The following ATG5 variants were observed in gnomAD, a reference collection of about 807,000 sequenced individuals.
The protein encoded by ATG5 is autophagy related 5.
ATG5 carries 14 observed loss-of-function variants against 36.5 expected under a neutral mutation model. The ratio of observed to expected loss-of-function variants is 0.38; its 90% CI spans 0.25 to 0.60. The LOEUF (loss-of-function observed/expected upper bound fraction) is 0.60, where lower values mean the gene tolerates loss of function less well. ATG5 is among the 20% of genes least tolerant of loss of function. The probability of loss-of-function intolerance (pLI) is 0.60; values close to 1 mark genes in which losing one functional copy is unlikely to be tolerated. For missense variants in ATG5, 195 were observed against 326.7 expected, an observed-to-expected ratio of 0.60 and a Z score of 3.11; for synonymous variants, 95 against 101.5, an observed-to-expected ratio of 0.94 and a Z score of 0.38.
At chr6:106,200,105 G>T (rs1166069419) in intron 7 of ATG5, among the ~76,000 whole-genome samples, 1 of 152,034 alleles carries the variant, frequency 6.6e-6, no homozygotes. Context: ...ATACATGTAG[G>T]AATGCTAGTA....
chr6:106,192,137 A>G (rs909950660), intron 7 of ATG5, among the ~76,000 whole-genome samples: 3 of 152,166 alleles, frequency 2.0e-5, no homozygotes, highest in African/African-American at 7.2e-5. Context: ...CAACACATAT[A>G]TTCAAGTGGA....
chr6:106,272,403 C>T (rs1345321241), intron 5 of ATG5, among the ~76,000 whole-genome samples: 1 of 152,198 alleles, frequency 6.6e-6, no homozygotes, highest in East Asian at 1.9e-4. Context: ...AGCGTCTCTG[C>T]CTGACTTCCA....
At chr6:106,220,116 C>T (rs1769963) in intron 6 of ATG5, among the ~76,000 whole-genome samples, 13,026 of 152,146 alleles carry the variant, frequency 0.086, 589 homozygotes, top group South Asian at 0.13. Flanking sequence ...TCAGATGATA[C>T]AACTGAATGT....
At chr6:106,265,643 A>T (rs995174644) in intron 5 of ATG5, among the ~76,000 whole-genome samples, 2 of 152,254 alleles carry the variant, frequency 1.3e-5, no homozygotes, top group African/African-American at 4.8e-5. Flanking sequence ...AATGGAAATC[A>T]TAATAAACAC....
At chr6:106,268,354 G>A (rs1338933150) in intron 5 of ATG5, among the ~76,000 whole-genome samples, 1 of 152,048 alleles carries the variant, frequency 6.6e-6, no homozygotes, top group African/African-American at 2.4e-5. Context: ...GTTAGAATGG[G>A]GATTATTAAA....
At chr6:106,210,890 T>C (rs1038397392) in intron 6 of ATG5, among the ~76,000 whole-genome samples, 3 of 152,234 alleles carry the variant, frequency 2.0e-5, no homozygotes, top group South Asian at 2.1e-4. Flanking sequence ...TCTTTTTAAA[T>C]GTGACTTGAC....
intron 5 of ATG5, among the ~76,000 whole-genome samples, chr6:106,263,907 C>T (rs1201071122): frequency 6.7e-6 from 1 of 148,634 alleles, no homozygotes; most frequent in Non-Finnish European, 1.5e-5. Flanking sequence ...CACAAAAATG[C>T]TGAAGATTCA....
intron 6 of ATG5, among the ~76,000 whole-genome samples, chr6:106,237,541 C>T (rs1182467811): frequency 3.9e-5 from 6 of 152,122 alleles, no homozygotes; most frequent in Admixed American, 1.3e-4. Context: ...GCCTTGTCTA[C>T]CCCACAGAAG....
At chr6:106,227,133 C>T (rs374120428) in intron 6 of ATG5, among the ~76,000 whole-genome samples, 4 of 148,422 alleles carry the variant, frequency 2.7e-5, no homozygotes, top group South Asian at 2.2e-4. Context: ...AAAATCAAAG[C>T]GATCCACACC....
intron 5 of ATG5, among the ~76,000 whole-genome samples, chr6:106,271,062 TA>T (rs1344649567): frequency 6.6e-6 from 1 of 152,214 alleles, no homozygotes; most frequent in African/African-American, 2.4e-5. Context: ...TCTTATATCA[TA>T]TTCTACATCT....
At chr6:106,192,379 T>A (rs1163783820) in intron 7 of ATG5, among the ~76,000 whole-genome samples, 1 of 152,148 alleles carries the variant, frequency 6.6e-6, no homozygotes, top group Non-Finnish European at 1.5e-5. Context: ...ACCTTTCTCA[T>A]CCCAATCTGG....
At chr6:106,243,242 T>C (rs1269349145) in intron 6 of ATG5, among the ~76,000 whole-genome samples, 1 of 152,236 alleles carries the variant, frequency 6.6e-6, no homozygotes, top group Non-Finnish European at 1.5e-5. Context: ...TGAACAACTT[T>C]ACATTCAATC....
chr6:106,240,881 G>A (rs907439113), intron 6 of ATG5, among the ~76,000 whole-genome samples: 32 of 152,220 alleles, frequency 2.1e-4, no homozygotes, highest in Non-Finnish European at 3.2e-4. Flanking sequence ...GGCTGGGTGC[G>A]GTGGCTCATG....
chr6:106,227,301 G>A (rs983978865), intron 6 of ATG5, among the ~76,000 whole-genome samples: 1 of 152,182 alleles, frequency 6.6e-6, no homozygotes, highest in African/African-American at 2.4e-5. Flanking sequence ...ACTGAAAGAA[G>A]TAGAATGTCT....
intron 7 of ATG5, among the ~76,000 whole-genome samples, chr6:106,192,333 A>T (rs903289699): frequency 6.6e-6 from 1 of 151,854 alleles, no homozygotes; most frequent in Admixed American, 6.6e-5. Context: ...GATAAATTTG[A>T]GTTCTAAAGA....
intron 7 of ATG5, among the ~76,000 whole-genome samples, chr6:106,195,866 A>G (rs1776161880): frequency 6.6e-6 from 1 of 151,990 alleles, no homozygotes; most frequent in Admixed American, 6.6e-5. Flanking sequence ...ATCCCCTAGA[A>G]AAGGATGTAC....
chr6:106,306,404 T>C (rs1461082711), intron 3 of ATG5, among the ~76,000 whole-genome samples: 1 of 152,112 alleles, frequency 6.6e-6, no homozygotes, highest in African/African-American at 2.4e-5. Context: ...TTTTCCAGAG[T>C]TCCTCAACTG....
chr6:106,241,007 G>A (rs1778103449), intron 6 of ATG5, among the ~76,000 whole-genome samples: 1 of 152,144 alleles, frequency 6.6e-6, no homozygotes, highest in Non-Finnish European at 1.5e-5. Context: ...ACAAAAATTA[G>A]TCGGGCATGG....
In ATG5 at chr6:106,308,482, G is replaced by T; in HGVS notation, c.118C>A (p.Pro40Thr). The T allele has an allele frequency of 3.2e-6, 5 of 1,558,784 alleles. No homozygotes were observed. The highest frequency in any genetic ancestry group is 2.0e-5 in the Admixed American group (1 of 50,222). ...REAEPYYLLLPRVSYLTLVTD... is the reference protein window; with the variant it reads ...REAEPYYLLLTRVSYLTLVTD... ...ACCAACGTCAAATAACTTACTCTTG[G>T]CAAAAGCAACTGAAATGAAAATTTG... The change falls in exon 3 of 8, where the codon CCA (proline) becomes ACA (threonine). Residue 40 changes from proline to threonine, a missense_variant. Pro to Thr is a conservative substitution (Grantham distance 38, BLOSUM62 -1). Coordinates refer to ENST00000369076, the MANE Select transcript of ATG5 (RefSeq NM_004849.4).
Sources: allele counts gnomAD v4.1 joint callset (sites outside exome capture counted in the v4.1 genomes callset), GRCh38; gene constraint gnomAD v4.1.1; transcripts MANE v1.5; gene names NCBI Gene and HGNC (gene_info 2026-07-23, HGNC 2026-07-21).